Variants in KCNQ2 observed in about 807,000 individuals in gnomAD.
The protein encoded by KCNQ2 is potassium voltage-gated channel subfamily Q member 2, also known as potassium voltage-gated channel subfamily KQT member 2.
Under a neutral mutation model 84.8 loss-of-function variants are expected in KCNQ2, and 14 were observed. The ratio of observed to expected loss-of-function variants is 0.17; its 90% CI spans 0.11 to 0.26. The LOEUF (loss-of-function observed/expected upper bound fraction) is 0.26, where lower values mean the gene tolerates loss of function less well. Ranked by LOEUF, KCNQ2 falls within the 10% of genes least tolerant of loss-of-function variation. The pLI is 1.00. For missense variants in KCNQ2, 788 were observed against 1,254.0 expected, an observed-to-expected ratio of 0.63 and a Z score of 5.61; for synonymous variants, 599 against 554.1, an observed-to-expected ratio of 1.08 and a Z score of -1.14.
At chr20:63,455,541 G>A (rs1345865988) in intron 1 of KCNQ2, among the ~76,000 whole-genome samples, 1 of 152,150 alleles carries the variant, frequency 6.6e-6, no homozygotes. Context: ...ATGGAGCAGC[G>A]GGGGATCTCC....
chr20:63,444,904 C>T lies in KCNQ2; in HGVS notation c.515-70G>A, dbSNP rs528574364. 2.6e-5 allele frequency: 38 copies of T among 1,467,308 alleles called. No individual in the cohort carries two copies. The South Asian group carries it at 4.8e-4, about 19-fold the overall frequency. 90.9% of individuals were successfully genotyped at this position (1,467,308 alleles called of 1,614,324 possible). A position where few individuals can be genotyped will look rare whatever the true frequency, so the allele number is the denominator to read the frequency against. ...GCACCCCCTTGGAGAAAACTCCCCA[C>T]CCCGCGTTCCAGGAGGATGTGCAGA... On this transcript the variant is annotated intron_variant, in intron 3 of 16. Transcript: ENST00000359125.
At chr20:63,454,694 T>C (rs2145834283) in intron 1 of KCNQ2, among the ~76,000 whole-genome samples, 1 of 152,316 alleles carries the variant, frequency 6.6e-6, no homozygotes, top group Non-Finnish European at 1.5e-5. Flanking sequence ...TGAGGCTCAC[T>C]GAGGCAGGTG....
intron 1 of KCNQ2, among the ~76,000 whole-genome samples, chr20:63,450,204 G>A (rs1386614441): frequency 6.7e-6 from 1 of 150,032 alleles, no homozygotes; most frequent in Non-Finnish European, 1.5e-5. Flanking sequence ...GGGACGAAGT[G>A]CCCCAAACCC....
intron 8 of KCNQ2, among the ~76,000 whole-genome samples, chr20:63,432,044 ATCCACCCACAGGGAAGAC>A (rs2080814515): frequency 3.5e-5 from 3 of 85,842 alleles, no homozygotes; most frequent in African/African-American, 4.7e-5. Flanking sequence ...TCAGGGAAGG[ATCCACCCACAGGGAAGAC>A]TCCACCCACA....
rs1236645765 is a variant in KCNQ2 at position 63,405,649 on chromosome 20, G to C, written c.*995C>G. On this transcript the variant is annotated 3_prime_UTR_variant, in exon 17 of 17. Transcript: ENST00000359125. ...CGGGGCACTGGTGGGACACAGGCGAGGTGGGGCCCTGGCTAAGAACTGTGA... is the reference window on the plus strand; with the variant it reads ...CGGGGCACTGGTGGGACACAGGCGACGTGGGGCCCTGGCTAAGAACTGTGA... The C allele has an allele frequency of 6.6e-6, 1 of 152,480 alleles. No homozygotes were observed. The highest frequency in any genetic ancestry group is 1.5e-5 in the Non-Finnish European group (1 of 68,244). 9.4% of individuals were successfully genotyped at this position (152,480 alleles called of 1,614,324 possible).
intron 10 of KCNQ2, 113 bp from the exon 11 acceptor site, chr20:63,424,319 G>T (rs1434283699): frequency 2.3e-6 from 3 of 1,289,198 alleles, no homozygotes; most frequent in African/African-American, 3.0e-5. Flanking sequence ...GGGGAGGGGG[G>T]TCTCAGAAAA....
In KCNQ2 at chr20:63,401,142, T is replaced by C. The variant is rs2079801184; in HGVS notation, c.*5502A>G. The C allele has an allele frequency of 5.7e-6, 2 of 352,926 alleles. No homozygotes were observed. Among genetic ancestry groups the C allele is most frequent in the Non-Finnish European group, 1.0e-5 (2 of 197,370 alleles). The allele number at this position is 352,926 out of a possible 1,614,324, so 21.9% of individuals were successfully genotyped here. A position where few individuals can be genotyped will look rare whatever the true frequency, so the allele number is the denominator to read the frequency against. On this transcript the variant is annotated 3_prime_UTR_variant, in exon 17 of 17. Transcript: ENST00000359125. ...GGCCAGCCAGGGGCACCACGGCAAGTGTCCAAGCCCAGAGCACACTCAACT... is the reference window on the plus strand; with the variant it reads ...GGCCAGCCAGGGGCACCACGGCAAGCGTCCAAGCCCAGAGCACACTCAACT...
At position 63,438,443 on chromosome 20, in the gene KCNQ2, T is replaced by G; in HGVS notation, c.1023+182A>C. On this transcript the variant is annotated intron_variant, in intron 7 of 16. Transcript: ENST00000359125. The surrounding 1 kb of genome is among the most constrained non-coding windows in gnomAD (Gnocchi z 5.1). ...AGCCACCCCTGTGCAGCCTCAGGGG[T>G]TGGAGCCATTTCTCAACACACACAC... 1.5e-6 allele frequency: 1 copy of G among 659,114 alleles called. No homozygotes were observed. The highest frequency in any genetic ancestry group is 2.7e-6 in the Non-Finnish European group (1 of 364,458). The allele number at this position is 659,114 out of a possible 1,614,324, so 40.8% of individuals were successfully genotyped here. A position where few individuals can be genotyped will look rare whatever the true frequency, so the allele number is the denominator to read the frequency against.
chr20:63,435,636 G>A (rs1156849816), intron 7 of KCNQ2, among the ~76,000 whole-genome samples: 1 of 152,196 alleles, frequency 6.6e-6, no homozygotes, highest in African/African-American at 2.4e-5. Context: ...CTGAGATGAG[G>A]ACAGTGTCAA....
At chr20:63,415,495 G>A (rs1354219392) in intron 12 of KCNQ2, among the ~76,000 whole-genome samples, 2 of 138,220 alleles carry the variant, frequency 1.4e-5, no homozygotes, top group Non-Finnish European at 3.2e-5. Context: ...GGAGGCCACG[G>A]GGACCGAGCA....
In KCNQ2 at chr20:63,439,590, G is replaced by A; in HGVS notation, c.927+8C>T. On this transcript the variant is annotated splice_region_variant and intron_variant, in intron 6 of 16. Coordinates refer to ENST00000359125, the MANE Select transcript of KCNQ2 (RefSeq NM_172107.4). Reference sequence around the variant, plus strand: ...CCCTCCAAGGCAGGCAGGGGCAGCTGGACTTACTGCAGGCAGCGCGAAGAA... The same window carrying A: ...CCCTCCAAGGCAGGCAGGGGCAGCTAGACTTACTGCAGGCAGCGCGAAGAA... 6.2e-7 allele frequency: 1 copy of A among 1,604,902 alleles called. No individual in the cohort carries two copies. Among genetic ancestry groups the A allele is most frequent in the South Asian group, 1.1e-5 (1 of 90,872 alleles).
chr20:63,427,393 C>T (rs1022950013), intron 10 of KCNQ2, among the ~76,000 whole-genome samples: 14 of 152,352 alleles, frequency 9.2e-5, no homozygotes, highest in Admixed American at 3.3e-4. Context: ...CGCTTGTAGG[C>T]GTTTGCCACA....
In KCNQ2 at chr20:63,414,092, C is replaced by T. The variant is rs794727134; in HGVS notation, c.1627G>A (p.Val543Met). The change falls in exon 14 of 17, where the codon GTG (valine) becomes ATG (methionine). Residue 543 changes from valine (V) to methionine (M), a missense_variant. Val to Met is a conservative substitution (Grantham distance 21). This residue lies in a region of KCNQ2 where 15 missense variants were observed against 69.1 expected (regional missense o/e 0.22). Coordinates refer to ENST00000359125, the MANE Select transcript of KCNQ2 (RefSeq NM_172107.4). This position sits in a 1 kb window ranked among gnomAD's most constrained non-coding sequence, Gnocchi z 6.6. ...TPGLKVSIRA[V>M]CVMRFLVSKR... ...CCGGCTGGGCAGGGGCCTCACCACA[C>T]GGCTCTGATGCTGACTTTGAGGCCC... 1.3e-5 allele frequency: 21 copies of T among 1,612,582 alleles called. No individual in the cohort carries two copies. Among genetic ancestry groups the T allele is most frequent in the Admixed American group, 1.7e-5 (1 of 59,998 alleles).
Position 63,451,963 on chromosome 20 carries a change from C to T in KCNQ2, c.297-5126G>A, listed in dbSNP as rs527468331. 6.6e-5 allele frequency among the ~76,000 whole-genome samples: 10 copies of T among 152,364 alleles called. No homozygotes were observed. The East Asian group carries it at 1.7e-3, about 26-fold the overall frequency. On this transcript the variant is annotated intron_variant, in intron 1 of 16. Transcript: ENST00000359125. ...GATCTGCCCCGGGAAGGACCACGGC[C>T]GTGCTTCAGAAGCACCCGGGACCAC... is the stretch of plus-strand genomic sequence containing the variant.
chr20:63,463,067 GT>G (rs2081995872), intron 1 of KCNQ2, among the ~76,000 whole-genome samples: 1 of 151,958 alleles, frequency 6.6e-6, no homozygotes, highest in Non-Finnish European at 1.5e-5. Context: ...GTGTGTGTGT[GT>G]GTGTGTGTGT....
chr20:63,428,818 C>T (rs902566872), intron 9 of KCNQ2, among the ~76,000 whole-genome samples: 6 of 152,018 alleles, frequency 3.9e-5, no homozygotes, highest in Admixed American at 2.0e-4. Context: ...GGACAGCACG[C>T]GAATATATTT....
At chr20:63,418,522 C>T (rs1344647346) in intron 12 of KCNQ2, among the ~76,000 whole-genome samples, 2 of 152,192 alleles carry the variant, frequency 1.3e-5, no homozygotes, top group Non-Finnish European at 2.9e-5. Context: ...AGGGCCTGCC[C>T]TGGGTTGTTC....
intron 10 of KCNQ2, among the ~76,000 whole-genome samples, chr20:63,427,813 C>A (rs1376018224): frequency 6.6e-6 from 1 of 152,222 alleles, no homozygotes; most frequent in Non-Finnish European, 1.5e-5. Flanking sequence ...AAACCAGCAT[C>A]CAACCCACTG....
chr20:63,415,729 C>T (rs969315405), intron 12 of KCNQ2, among the ~76,000 whole-genome samples: 3 of 152,164 alleles, frequency 2.0e-5, no homozygotes, highest in African/African-American at 7.2e-5. Flanking sequence ...CACCCAGTGA[C>T]ACTCAGGGCA....
Sources: gnomAD v4.1 joint callset for allele counts (sites outside exome capture counted in the v4.1 genomes callset) on GRCh38, gnomAD v4.1.1 for gene constraint, gnomAD v4.1.1 regional missense constraint, Gnocchi (gnomAD v3.1) non-coding constraint, MANE v1.5 for transcripts, NCBI Gene and HGNC (gene_info 2026-07-23, HGNC 2026-07-21) for gene names.